Variants in PRTG observed in about 807,000 individuals in gnomAD.
PRTG encodes the protein protogenin.
Under a neutral mutation model 122.5 loss-of-function variants are expected in PRTG, and 67 were observed. The ratio of observed to expected loss-of-function variants is 0.55; its 90% confidence interval spans 0.45 to 0.67. The LOEUF (loss-of-function observed/expected upper bound fraction) is 0.67. Among genes scored for constraint, PRTG ranks in the 30% least tolerant of loss-of-function variants. PRTG has a pLI of 0.00. For synonymous variants in PRTG, 554 were observed against 501.1 expected, an observed-to-expected ratio of 1.11 and a Z score of -1.41; for missense variants, 1,435 against 1,415.4, an observed-to-expected ratio of 1.01 and a Z score of -0.22.
chr15:55,664,712 G>A lies in PRTG; in HGVS notation c.2041+7733C>T, dbSNP rs113111843. Among the ~76,000 whole-genome samples, 27 of 151,872 alleles carry A rather than the reference G, an allele frequency of 1.8e-4. 1 individual carries two copies. Among genetic ancestry groups the A allele is most frequent in the Admixed American group, 6.5e-4 (10 of 15,276 alleles). ...GCTGATTCTCCTGCCTCAACCTCCTGTGTATCTGGGATCACAGGCATGTAC... is the reference window on the plus strand; with the variant it reads ...GCTGATTCTCCTGCCTCAACCTCCTATGTATCTGGGATCACAGGCATGTAC... On this transcript the variant is annotated intron_variant, in intron 11 of 19. Transcript: ENST00000389286.
intron 2 of PRTG, among the ~76,000 whole-genome samples, chr15:55,690,371 CT>C (rs1464148045): frequency 6.6e-6 from 1 of 152,156 alleles, no homozygotes; most frequent in Non-Finnish European, 1.5e-5. Flanking sequence ...AGGTTTTATT[CT>C]CAGGGATCTT....
At chr15:55,708,379 C>T (rs371980836) in intron 2 of PRTG, among the ~76,000 whole-genome samples, 10 of 151,834 alleles carry the variant, frequency 6.6e-5, no homozygotes, top group South Asian at 2.1e-4. Flanking sequence ...GAAGCCTAGG[C>T]GGGTGGATCA....
intron 2 of PRTG, among the ~76,000 whole-genome samples, chr15:55,734,245 G>A (rs1482119384): frequency 6.6e-6 from 1 of 152,178 alleles, no homozygotes; most frequent in African/African-American, 2.4e-5. Context: ...TAGTAGAATG[G>A]AAGATAAGCC....
At chr15:55,709,958 A>T (rs1016023963) in intron 2 of PRTG, among the ~76,000 whole-genome samples, 1 of 152,170 alleles carries the variant, frequency 6.6e-6, no homozygotes, top group Admixed American at 6.5e-5. Flanking sequence ...CAAATTCAAC[A>T]AAGTGTGCAC....
intron 11 of PRTG, among the ~76,000 whole-genome samples, chr15:55,644,555 G>C (rs1255824255): frequency 6.6e-5 from 10 of 152,122 alleles, no homozygotes; most frequent in Admixed American, 5.2e-4. Flanking sequence ...AACAGCTTAT[G>C]TGTCCCAAAG....
intron 11 of PRTG, among the ~76,000 whole-genome samples, chr15:55,654,306 T>G (rs1288250343): frequency 1.3e-5 from 2 of 152,198 alleles, no homozygotes; most frequent in Non-Finnish European, 2.9e-5. Context: ...GTGGCTTAAC[T>G]GTCCCAGAAT....
chr15:55,624,341 C>T lies in PRTG; in HGVS notation c.3093+1G>A. On this transcript the variant is annotated splice_donor_variant, in intron 18 of 19. Transcript: ENST00000389286. LOFTEE classifies it high-confidence loss of function. ...ATGCAGCAAATCCCGCAGCTCAGTA[C>T]CTTTGCATCAATGAAGCTGTTTGGC... 6.2e-7 allele frequency: 1 copy of T among 1,613,648 alleles called. No homozygotes were observed. The highest frequency in any genetic ancestry group is 1.7e-4 in the Middle Eastern group (1 of 6,036).
Position 55,691,296 on chromosome 15 carries a change from C to CA in PRTG, c.398-7366dup, listed in dbSNP as rs59129695. ...GGGAAACAAGAGTAAAACTCTGTTT[C>CA]AAAAAAAAAAAAAAAAAAAGTACAG... On this transcript the variant is annotated intron_variant, in intron 2 of 19. Coordinates refer to ENST00000389286, the MANE Select transcript of PRTG (RefSeq NM_173814.6). Among the ~76,000 whole-genome samples the CA allele has an allele frequency of 4.4e-3, 366 of 82,758 alleles. 2 individuals are homozygous for CA. Among genetic ancestry groups the CA allele is most frequent in the African/African-American group, 8.5e-3 (234 of 27,458 alleles). The allele number at this position is 82,758 out of a possible 152,430, so 54.3% of individuals were successfully genotyped here. A position where few individuals can be genotyped will look rare whatever the true frequency, so the allele number is the denominator to read the frequency against.
chr15:55,741,780 T>C (rs1374017596), intron 1 of PRTG, among the ~76,000 whole-genome samples: 4 of 152,176 alleles, frequency 2.6e-5, no homozygotes, highest in African/African-American at 7.2e-5. Flanking sequence ...CCGTAATGTA[T>C]GCCCAGGGCG....
chr15:55,659,049 C>T (rs2059395399), intron 11 of PRTG, among the ~76,000 whole-genome samples: 1 of 152,160 alleles, frequency 6.6e-6, no homozygotes, highest in Non-Finnish European at 1.5e-5. Context: ...GTCACTGTAA[C>T]ACTCAGCTGA....
chr15:55,666,440 C>G (rs1248228470), intron 11 of PRTG, among the ~76,000 whole-genome samples: 1 of 152,132 alleles, frequency 6.6e-6, no homozygotes, highest in African/African-American at 2.4e-5. Flanking sequence ...CCCATAAAGC[C>G]TAAAATATTT....
At chr15:55,632,735 C>T (rs565700101) in intron 15 of PRTG, among the ~76,000 whole-genome samples, 1 of 152,314 alleles carries the variant, frequency 6.6e-6, no homozygotes, top group East Asian at 1.9e-4. Context: ...ATCACTTTGT[C>T]TCTTTTCCCT....
chr15:55,684,417 T>TAACATG (rs1285649505), intron 2 of PRTG, among the ~76,000 whole-genome samples: 1 of 152,120 alleles, frequency 6.6e-6, no homozygotes, highest in Admixed American at 6.6e-5. Flanking sequence ...GTGAAAAGAA[T>TAACATG]AACATGAAGA....
chr15:55,632,190 T>G (rs1185209359), intron 15 of PRTG, among the ~76,000 whole-genome samples: 3 of 152,226 alleles, frequency 2.0e-5, no homozygotes, highest in Admixed American at 6.5e-5. Flanking sequence ...ATCTCAAATT[T>G]CACACTTTCA....
At chr15:55,678,183 G>A (rs745866693) in intron 7 of PRTG, 139 bp from the exon 8 acceptor site, 2 of 597,406 alleles carry the variant, frequency 3.3e-6, no homozygotes, top group Non-Finnish European at 5.7e-6. Context: ...GAACACTGCA[G>A]CAACTATGTG....
At chr15:55,650,832 T>G (rs1402634567) in intron 11 of PRTG, among the ~76,000 whole-genome samples, 1 of 152,050 alleles carries the variant, frequency 6.6e-6, no homozygotes, top group African/African-American at 2.4e-5. Context: ...CTAGGCATGA[T>G]AGTGCATTCC....
chr15:55,657,080 C>G (rs1014255652), intron 11 of PRTG, among the ~76,000 whole-genome samples: 7 of 152,114 alleles, frequency 4.6e-5, no homozygotes, highest in Non-Finnish European at 1.0e-4. Context: ...ATACAGTATA[C>G]CAAGAATGAG....
intron 11 of PRTG, among the ~76,000 whole-genome samples, chr15:55,663,002 G>A (rs2059418360): frequency 6.6e-6 from 1 of 152,130 alleles, no homozygotes; most frequent in African/African-American, 2.4e-5. Context: ...ATGATAAAAA[G>A]TGAACTCAGT....
chr15:55,730,339 T>C lies in PRTG; in HGVS notation c.397+10043A>G, dbSNP rs1032299389. Among the ~76,000 whole-genome samples, 10 of 152,202 alleles carry C rather than the reference T, an allele frequency of 6.6e-5. 1 individual carries two copies. Among genetic ancestry groups the C allele is most frequent in the South Asian group, 4.2e-4 (2 of 4,808 alleles). ...CTGGTCTTGAACTGCTGACCGACAG[T>C]GATTCTCCCACCTCGGCCTCCCAAA... On this transcript the variant is annotated intron_variant, in intron 2 of 19. Transcript: ENST00000389286.
Sources: allele counts gnomAD v4.1 joint callset (sites outside exome capture counted in the v4.1 genomes callset), GRCh38; gene constraint gnomAD v4.1.1; transcripts MANE v1.5; gene names NCBI Gene and HGNC (gene_info 2026-07-23, HGNC 2026-07-21).